The following LAMA2 variants were observed in gnomAD, a reference collection of about 807,000 sequenced individuals.
LAMA2 encodes the protein laminin subunit alpha-2.
LAMA2 carries 269 observed loss-of-function variants against 364.8 expected under a neutral mutation model. That is an observed-to-expected ratio of 0.74 (90% confidence interval 0.67 to 0.82). The LOEUF is 0.82. Ranked by LOEUF, LAMA2 falls within the 40% of genes least tolerant of loss-of-function variation. The probability of loss-of-function intolerance (pLI) is 0.00; values close to 1 mark genes in which losing one functional copy is unlikely to be tolerated. For synonymous variants in LAMA2, 1,379 were observed against 1,370.6 expected (o/e 1.01, Z -0.14); for missense variants, 3,807 against 3,873.2 (o/e 0.98, Z 0.45).
In LAMA2 at chr6:129,514,422, A is replaced by C. The variant is rs765377729; in HGVS notation, c.9038A>C (p.Asp3013Ala). 1.7e-5 allele frequency: 28 copies of C among 1,613,916 alleles called. 2 individuals are homozygous for C. The African/African-American group carries it at 2.5e-4, about 15-fold the overall frequency. Residue 3013 changes from aspartate to alanine, a missense_variant, in exon 64 of 65, where the codon GAT (aspartate) becomes GCT (alanine). Around this residue, in one of 3 missense-constraint regions of LAMA2, gnomAD observed 3,333 missense variants for 3,345.7 expected, o/e 1.00. Transcript: ENST00000421865. ...NGAGRFTAVY[D>A]AGVPGHLCDG... ...GCGGGCAGATTCACTGCTGTCTATG[A>C]TGCTGGGGTTCCAGGGCATTTGTGT...
At chr6:129,080,429 A>G (rs1044654459) in intron 3 of LAMA2, among the ~76,000 whole-genome samples, 1 of 152,344 alleles carries the variant, frequency 6.6e-6, no homozygotes, top group South Asian at 2.1e-4. Flanking sequence ...AAAACTCTAA[A>G]AAGTGAAACT....
chr6:128,956,096 A>AGATACAT (rs1047294225), intron 1 of LAMA2, among the ~76,000 whole-genome samples: 1 of 152,028 alleles, frequency 6.6e-6, no homozygotes, highest in Non-Finnish European at 1.5e-5. Flanking sequence ...TTACCATCAA[A>AGATACAT]GATACATAAT....
chr6:129,021,616 C>A (rs2114715107), intron 1 of LAMA2, among the ~76,000 whole-genome samples: 1 of 152,294 alleles, frequency 6.6e-6, no homozygotes, highest in South Asian at 2.1e-4. Context: ...AGGTAGGAGA[C>A]TGAATGCCCT....
intron 1 of LAMA2, among the ~76,000 whole-genome samples, chr6:128,893,431 ATGT>A (rs989117239): frequency 9.2e-5 from 14 of 151,894 alleles, no homozygotes; most frequent in South Asian, 4.1e-4. Context: ...TGTATTAATA[ATGT>A]TGTTAATAAT....
intron 2 of LAMA2, among the ~76,000 whole-genome samples, chr6:129,051,677 G>GATATCTATATCTATAGATCGATCTATAT (rs1788039503): frequency 2.6e-5 from 1 of 37,946 alleles, no homozygotes; most frequent in African/African-American, 2.2e-4. Flanking sequence ...TCGATCTATA[G>GATATCTATATCTATAGATCGATCTATAT]ATATCTATAT....
intron 4 of LAMA2, among the ~76,000 whole-genome samples, chr6:129,130,213 T>C (rs1583097750): frequency 6.6e-6 from 1 of 152,212 alleles, no homozygotes; most frequent in South Asian, 2.1e-4. Context: ...ATACTAGCAC[T>C]AGTCATAGGA....
At chr6:129,386,789 A>G (rs1223235381) in intron 35 of LAMA2, among the ~76,000 whole-genome samples, 1 of 152,226 alleles carries the variant, frequency 6.6e-6, no homozygotes, top group Non-Finnish European at 1.5e-5. Flanking sequence ...ATGAAGATAA[A>G]GTAGCACACA....
At chr6:129,264,243 A>G (rs1334221946) in intron 15 of LAMA2, among the ~76,000 whole-genome samples, 1 of 152,174 alleles carries the variant, frequency 6.6e-6, no homozygotes, top group Non-Finnish European at 1.5e-5. Context: ...TAGAACAAAT[A>G]GGACTTACTG....
intron 3 of LAMA2, among the ~76,000 whole-genome samples, chr6:129,070,563 TGTC>T (rs113053690): frequency 0.2 from 30,997 of 151,994 alleles, 4,506 homozygotes; most frequent in African/African-American, 0.41. Context: ...CTTCTGTTGT[TGTC>T]ATGATATCCT....
chr6:129,455,470 A>G (rs1260188842), intron 47 of LAMA2, among the ~76,000 whole-genome samples: 1 of 152,136 alleles, frequency 6.6e-6, no homozygotes, highest in Non-Finnish European at 1.5e-5. Flanking sequence ...GGTGAACCTT[A>G]TTTGATAAAT....
At chr6:129,384,870 C>T (rs938114290) in intron 35 of LAMA2, among the ~76,000 whole-genome samples, 3 of 151,676 alleles carry the variant, frequency 2.0e-5, no homozygotes, top group African/African-American at 7.3e-5. Context: ...TGTGGGATAG[C>T]TATACTTTAG....
intron 4 of LAMA2, among the ~76,000 whole-genome samples, chr6:129,107,769 T>C (rs1023061221): frequency 6.6e-6 from 1 of 152,144 alleles, no homozygotes; most frequent in East Asian, 1.9e-4. Context: ...CAAATAACTT[T>C]CCCAGGGTTC....
At chr6:129,075,371 G>A (rs1011778848) in intron 3 of LAMA2, among the ~76,000 whole-genome samples, 3 of 152,156 alleles carry the variant, frequency 2.0e-5, no homozygotes, top group Non-Finnish European at 2.9e-5. Flanking sequence ...GGAGTAGTCA[G>A]TCATGATAAA....
chr6:129,460,108 C>G, intron 48 of LAMA2, 92 bp from the exon 49 acceptor site: 1 of 1,186,726 alleles, frequency 8.4e-7, no homozygotes, highest in Non-Finnish European at 1.3e-6. Flanking sequence ...ATAATGATAA[C>G]TTTAGTTTCT....
At chr6:128,889,850 C>A (rs950236218) in intron 1 of LAMA2, among the ~76,000 whole-genome samples, 2 of 152,106 alleles carry the variant, frequency 1.3e-5, no homozygotes, top group African/African-American at 2.4e-5. Flanking sequence ...GAGTGTGGAT[C>A]TTAATATGGG....
intron 1 of LAMA2, among the ~76,000 whole-genome samples, chr6:129,036,808 C>G (rs551561754): frequency 1.3e-5 from 2 of 152,274 alleles, no homozygotes; most frequent in South Asian, 4.1e-4. Context: ...TTCTGAACAA[C>G]TGGATTCAAC....
At chr6:129,508,543 CCTT>C (rs1365860378) in intron 62 of LAMA2, among the ~76,000 whole-genome samples, 3 of 152,196 alleles carry the variant, frequency 2.0e-5, no homozygotes, top group East Asian at 3.9e-4. Flanking sequence ...TGGTAACTAT[CCTT>C]CTACTTTCTA....
intron 1 of LAMA2, among the ~76,000 whole-genome samples, chr6:128,893,734 C>T (rs139279499): frequency 1.3e-5 from 2 of 151,780 alleles, no homozygotes; most frequent in Non-Finnish European, 2.9e-5. Context: ...GGTATATCTA[C>T]TATTTGATTG....
At chr6:129,074,629 TATTTA>T (rs1263652660) in intron 3 of LAMA2, among the ~76,000 whole-genome samples, 1 of 152,186 alleles carries the variant, frequency 6.6e-6, no homozygotes, top group Non-Finnish European at 1.5e-5. Context: ...AGGGAAAAAA[TATTTA>T]TTTTATTTAC....
Sources: gnomAD v4.1 joint callset for allele counts (sites outside exome capture counted in the v4.1 genomes callset) on GRCh38, gnomAD v4.1.1 for gene constraint, gnomAD v4.1.1 regional missense constraint, MANE v1.5 for transcripts, NCBI Gene and HGNC (gene_info 2026-07-23, HGNC 2026-07-21) for gene names.